PFKL: variants seen among roughly 807,000 people sequenced by gnomAD.
PFKL encodes phosphofructokinase, liver type.
PFKL carries 74 observed loss-of-function variants against 92.1 expected under a neutral mutation model. The ratio of observed to expected loss-of-function variants is 0.80; its 90% confidence interval spans 0.67 to 0.97. The LOEUF is 0.97. Ranked by LOEUF, PFKL falls within the 50% of genes least tolerant of loss-of-function variation. The probability of loss-of-function intolerance (pLI) is 0.00; values close to 1 mark genes in which losing one functional copy is unlikely to be tolerated. For missense variants in PFKL, 1,028 were observed against 1,116.6 expected, an observed-to-expected ratio of 0.92 and a Z score of 1.13; for synonymous variants, 494 against 456.4, an observed-to-expected ratio of 1.08 and a Z score of -1.05.
intron 1 of PFKL, chr21:44,306,041 C>G: frequency 1.6e-6 from 1 of 642,420 alleles, no homozygotes; most frequent in Non-Finnish European, 2.0e-6. Context: ...GGAAGGAGCC[C>G]AAGCCCCTTC....
chr21:44,320,099 CTG>C lies in PFKL; in HGVS notation c.1144_1145del (p.Trp382GlufsTer17). 6.2e-7 allele frequency: 1 copy of C among 1,613,550 alleles called. No individual in the cohort carries two copies. The highest frequency in any genetic ancestry group is 8.5e-7 in the Non-Finnish European group (1 of 1,179,848). On this transcript the variant is annotated frameshift_variant, in exon 12 of 22. Transcript: ENST00000349048. LOFTEE classifies it high-confidence loss of function. ...QLRGGSFENNWNIYKLLAHQK... is the reference protein window; with the variant it reads ...QLRGGSFENNXNIYKLLAHQK... ...TCCCTTCCAGGAGCTTCGAGAACAACTGGAACATTTACAAGCTCCTCGCCCAC... is the reference window on the plus strand; with the variant it reads ...TCCCTTCCAGGAGCTTCGAGAACAACGAACATTTACAAGCTCCTCGCCCAC...
chr21:44,317,015 A>G (rs1479436406), intron 9 of PFKL, among the ~76,000 whole-genome samples: 1 of 152,152 alleles, frequency 6.6e-6, no homozygotes, highest in Non-Finnish European at 1.5e-5. Flanking sequence ...GTGGCGTCAC[A>G]GTCTGGGAGG....
intron 1 of PFKL, among the ~76,000 whole-genome samples, 160 bp downstream of exon 1, chr21:44,300,350 C>T (rs968155920): frequency 4.6e-5 from 7 of 151,738 alleles, no homozygotes; most frequent in African/African-American, 1.7e-4. Context: ...GTCTGTCCCC[C>T]GCTCTTCCCC....
intron 13 of PFKL, 82 bp downstream of exon 13, chr21:44,321,957 C>G: frequency 6.7e-7 from 1 of 1,498,600 alleles, no homozygotes; most frequent in Middle Eastern, 1.8e-4. Flanking sequence ...AGGCCGGCTG[C>G]TGGAGGTGGA....
At chr21:44,305,727 G>T in intron 1 of PFKL, 1 of 1,300,506 alleles carries the variant, frequency 7.7e-7, no homozygotes, top group Non-Finnish European at 1.0e-6. Context: ...GGGGGCTCTC[G>T]GGAAGAAGGT....
intron 3 of PFKL, among the ~76,000 whole-genome samples, chr21:44,311,493 C>G (rs1271221369): frequency 2.0e-5 from 3 of 152,184 alleles, no homozygotes; most frequent in Non-Finnish European, 4.4e-5. Flanking sequence ...CACACAGGTA[C>G]ACAGATACAG....
In PFKL at chr21:44,316,449, G is replaced by A; in HGVS notation, c.861G>A (p.Leu287=). 1.2e-6 allele frequency: 2 copies of A among 1,611,892 alleles called. No homozygotes were observed. The highest frequency in any genetic ancestry group is 1.7e-6 in the Non-Finnish European group (2 of 1,178,936). Residue 287 remains leucine, a synonymous_variant, in exon 9 of 22, where the codon CTG becomes CTA. Coordinates refer to ENST00000349048, the MANE Select transcript of PFKL (RefSeq NM_002626.6). ...TCCTGCAGCTGGTGGTTCAGAGGCT[G>A]GGCTTCGACACCCGTGTAACTGTGC... ...SYVKDLVVQR[L]GFDTRVTVLG... is the part of the protein sequence containing the mutation.
At chr21:44,312,397 C>A in intron 4 of PFKL, 103 bp downstream of exon 4, 1 of 1,136,586 alleles carries the variant, frequency 8.8e-7, no homozygotes, top group South Asian at 1.7e-5. Flanking sequence ...CCCTGGGTGC[C>A]CCGAGGCAGA....
intron 11 of PFKL, 57 bp downstream of exon 11, chr21:44,319,472 AGC>A: frequency 7.0e-7 from 1 of 1,437,756 alleles, no homozygotes; most frequent in African/African-American, 1.4e-5. Context: ...GGTGCCAGGC[AGC>A]ATGTGCTGCA....
chr21:44,312,904 C>A, intron 4 of PFKL, 74 bp from the exon 5 acceptor site: 4 of 1,499,092 alleles, frequency 2.7e-6, no homozygotes, highest in Non-Finnish European at 3.7e-6. Context: ...GAAGGGGTGG[C>A]AGGAGAGGGG....
At chr21:44,300,295 G>GCCCGGCCTCCCGCCCCGGCCTCCCGC (rs552536568) in intron 1 of PFKL, 105 bp downstream of exon 1, 29 of 418,824 alleles carry the variant, frequency 6.9e-5, no homozygotes, top group Non-Finnish European at 8.5e-5. Flanking sequence ...TCTCGGGCCG[G>GCCCGGCCTCCCGCCCCGGCCTCCCGC]CCCGGCCTCC....
intron 4 of PFKL, 33 bp downstream of exon 4, chr21:44,312,327 G>A: frequency 2.0e-6 from 3 of 1,526,052 alleles, no homozygotes; most frequent in Admixed American, 2.2e-5. Flanking sequence ...GTAGGCCCTG[G>A]GGTTTTGTTT....
chr21:44,300,291 G>GCCGGCCCGGCCTC (rs1257746094), intron 1 of PFKL, 101 bp downstream of exon 1: 8 of 428,782 alleles, frequency 1.9e-5, no homozygotes, highest in Non-Finnish European at 2.5e-5. Flanking sequence ...CGGGTCTCGG[G>GCCGGCCCGGCCTC]CCGGCCCGGC....
rs1487070501 is a variant in PFKL at position 44,312,316 on chromosome 21, T to C, written c.427+22T>C. The C allele has an allele frequency of 2.6e-6, 4 of 1,558,216 alleles. No homozygotes were observed. The South Asian group carries it at 3.6e-5, about 14-fold the overall frequency. On this transcript the variant is annotated intron_variant, in intron 4 of 21. Coordinates refer to ENST00000349048, the MANE Select transcript of PFKL (RefSeq NM_002626.6). ...GAAGGTGGGTCTGTGCCCGGCGCAC[T>C]GTAGGCCCTGGGGTTTTGTTTTGCC... is the stretch of plus-strand genomic sequence containing the variant.
Position 44,323,911 on chromosome 21 carries a change from C to T in PFKL, c.1643C>T (p.Ala548Val). The T allele has an allele frequency of 6.2e-7, 1 of 1,613,388 alleles. No individual in the cohort carries two copies. Among genetic ancestry groups the T allele is most frequent in the Non-Finnish European group, 8.5e-7 (1 of 1,179,942 alleles). The change falls in exon 16 of 22, where the codon GCC becomes GTC. Residue 548 changes from alanine (A) to valine (V), a missense_variant. Physicochemically the swap from Ala to Val is moderately conservative, Grantham distance 64. Coordinates refer to ENST00000349048, the MANE Select transcript of PFKL (RefSeq NM_002626.6). ...SLGSDTAVNAAMESCDRIKQS... is the reference protein window; with the variant it reads ...SLGSDTAVNAVMESCDRIKQS... Reference sequence around the variant, plus strand: ...GGCTCCGACACTGCTGTAAATGCCGCCATGGAGGTACGGGGCTCCTGGACA... The same window carrying T: ...GGCTCCGACACTGCTGTAAATGCCGTCATGGAGGTACGGGGCTCCTGGACA...
At chr21:44,322,475 GGCCAGGCA>G (rs1465543925) in intron 14 of PFKL, among the ~76,000 whole-genome samples, 1 of 152,182 alleles carries the variant, frequency 6.6e-6, no homozygotes, top group African/African-American at 2.4e-5. Flanking sequence ...TGCCTGGCCA[GGCCAGGCA>G]GCCTGCACTG....
At chr21:44,306,622 G>GGC (rs1555875639) in intron 1 of PFKL, 59 bp from the exon 2 acceptor site, 1 of 1,477,796 alleles carries the variant, frequency 6.8e-7, no homozygotes, top group Non-Finnish European at 9.3e-7. Context: ...GAGATGGGGA[G>GGC]GGTGTCCAGG....
At chr21:44,309,465 G>T (rs1381155811) in intron 2 of PFKL, among the ~76,000 whole-genome samples, 1 of 152,226 alleles carries the variant, frequency 6.6e-6, no homozygotes, top group South Asian at 2.1e-4. Context: ...GGGTAGAGGG[G>T]GGCAAACAGC....
chr21:44,306,623 G>GGGC (rs1555875642), intron 1 of PFKL, 58 bp from the exon 2 acceptor site: 3 of 1,485,182 alleles, frequency 2.0e-6, no homozygotes, highest in Middle Eastern at 3.8e-4. Context: ...AGATGGGGAG[G>GGGC]GTGTCCAGGG....
Sources: gnomAD v4.1 joint callset for allele counts (sites outside exome capture counted in the v4.1 genomes callset) on GRCh38, gnomAD v4.1.1 for gene constraint, MANE v1.5 for transcripts, NCBI Gene and HGNC (gene_info 2026-07-23, HGNC 2026-07-21) for gene names.